ZNF761: variants seen among roughly 807,000 people sequenced by gnomAD.
The protein encoded by ZNF761 is zinc finger protein 761.
Under a neutral mutation model 59.9 loss-of-function variants are expected in ZNF761, and 43 were observed. The ratio of observed to expected loss-of-function variants is 0.72; its 90% CI spans 0.56 to 0.92. The LOEUF is 0.92. Ranked by LOEUF, ZNF761 falls within the 40% of genes least tolerant of loss-of-function variation. The pLI is 0.00. For synonymous variants in ZNF761, 294 were observed against 304.8 expected (o/e 0.96, Z 0.37); for missense variants, 850 against 906.1 (o/e 0.94, Z 0.79).
intron 1 of ZNF761, among the ~76,000 whole-genome samples, chr19:53,433,819 C>T (rs1490779983): frequency 6.6e-6 from 1 of 152,112 alleles, no homozygotes; most frequent in African/African-American, 2.4e-5. Context: ...GGTTTTGAAT[C>T]TACTGAAGGA....
chr19:53,433,807 A>T (rs192802733), intron 1 of ZNF761, among the ~76,000 whole-genome samples: 1 of 152,148 alleles, frequency 6.6e-6, no homozygotes, highest in Non-Finnish European at 1.5e-5. Context: ...TACTCCTATT[A>T]AGGTTTTGAA....
rs761191885 is a variant in ZNF761, at chr19:53,457,015, T to C, written c.*267T>C. The C allele has an allele frequency of 1.5e-6, 1 of 666,528 alleles. No individual in the cohort carries two copies. 41.3% of individuals were successfully genotyped at this position (666,528 alleles called of 1,614,324 possible). A position where few individuals can be genotyped will look rare whatever the true frequency, so the allele number is the denominator to read the frequency against. ...AATGTAAGAGTTTGTGACAAGGCTT[T>C]TGGGCATGATTCGCACCTGGCACAA... On this transcript the variant is annotated 3_prime_UTR_variant, in exon 5 of 5. Coordinates refer to ENST00000684525, the MANE Select transcript of ZNF761 (RefSeq NM_001289951.2).
In ZNF761 at chr19:53,456,063, A is replaced by T. The variant is rs767962173; in HGVS notation, c.1556A>T (p.Glu519Val). 1.9e-6 allele frequency: 3 copies of T among 1,598,090 alleles called. No individual in the cohort carries two copies. The highest frequency in any genetic ancestry group is 4.5e-5 in the East Asian group (2 of 44,348). Reference sequence around the variant, plus strand: ...TGCCATCATAGACTTCATACTGGAGAGAAAGCTTACAAGTGTAATGAGTGC... The same window carrying T: ...TGCCATCATAGACTTCATACTGGAGTGAAAGCTTACAAGTGTAATGAGTGC... Reference protein sequence around the residue: ...LTCHHRLHTGEKAYKCNECGK... With the variant: ...LTCHHRLHTGVKAYKCNECGK... Residue 519 changes from glutamate to valine, a missense_variant, in exon 5 of 5, where the codon GAG becomes GTG. Glu to Val is a moderately radical substitution (Grantham distance 121). Transcript: ENST00000684525.
rs561780044 is a variant in ZNF761, at chr19:53,437,674, A to G, written c.-185+5646A>G. On this transcript the variant is annotated intron_variant, in intron 1 of 4. Transcript: ENST00000684525. ...TCCTTGCCTTTTGGTGGCCTCTGCA[A>G]TGCATTATAGCTACTTTTTCTGGAA... Among the ~76,000 whole-genome samples, 5 of 152,262 alleles carry G rather than the reference A, an allele frequency of 3.3e-5. No homozygotes were observed. In the East Asian group the frequency reaches 5.8e-4, roughly 18 times the overall value.
chr19:53,454,272 A>G (rs535586994), intron 4 of ZNF761, among the ~76,000 whole-genome samples: 4 of 152,294 alleles, frequency 2.6e-5, no homozygotes, highest in Admixed American at 2.6e-4. Context: ...GTCCTTTAGC[A>G]TTTATTTGTA....
In ZNF761 at chr19:53,453,836, A is replaced by G. The variant is rs559207140; in HGVS notation, c.143-814A>G. 5.6e-4 allele frequency among the ~76,000 whole-genome samples: 85 copies of G among 152,326 alleles called. No homozygotes were observed. In the Middle Eastern group the frequency reaches 0.027, roughly 49 times the overall value. Reference sequence around the variant, plus strand: ...TGTTGCAGTGAGCCGAGATCAGGCCATTGAACTCCAGCCAGTTGCAACAGA... The same window carrying G: ...TGTTGCAGTGAGCCGAGATCAGGCCGTTGAACTCCAGCCAGTTGCAACAGA... On this transcript the variant is annotated intron_variant, in intron 4 of 4. Coordinates refer to ENST00000684525, the MANE Select transcript of ZNF761 (RefSeq NM_001289951.2).
intron 1 of ZNF761, among the ~76,000 whole-genome samples, chr19:53,433,152 G>T (rs1255310669): frequency 6.6e-6 from 1 of 152,090 alleles, no homozygotes; most frequent in Non-Finnish European, 1.5e-5. Flanking sequence ...GGAGACAAAA[G>T]GATGTTTATT....
Position 53,456,813 on chromosome 19 carries a change from G to A in ZNF761, c.*65G>A, listed in dbSNP as rs369581327. 3 of 1,544,314 alleles carry A rather than the reference G, an allele frequency of 1.9e-6. No individual in the cohort carries two copies. Among genetic ancestry groups the A allele is most frequent in the Middle Eastern group, 1.7e-4 (1 of 5,852 alleles). On this transcript the variant is annotated 3_prime_UTR_variant, in exon 5 of 5. Coordinates refer to ENST00000684525, the MANE Select transcript of ZNF761 (RefSeq NM_001289951.2). Reference sequence around the variant, plus strand: ...AGGTCATCATAGAATTCATACTGGGGAGAAACCTTAGAAATGTGAAGCATG... The same window carrying A: ...AGGTCATCATAGAATTCATACTGGGAAGAAACCTTAGAAATGTGAAGCATG...
At chr19:53,452,978 A>G (rs1384603058) in intron 4 of ZNF761, among the ~76,000 whole-genome samples, 1 of 152,110 alleles carries the variant, frequency 6.6e-6, no homozygotes, top group African/African-American at 2.4e-5. Flanking sequence ...CTCTGATCTT[A>G]GTTTAAAATT....
rs745499401 is a variant in ZNF761 at position 53,449,484 on chromosome 19, A to G, written c.16-28A>G. On this transcript the variant is annotated intron_variant, in intron 3 of 4. Transcript: ENST00000684525. Reference sequence around the variant, plus strand: ...AAAGATAAGAACTCCTCTCATAACCATTTGGTTAAAATGTGTTTTCATTTC... The same window carrying G: ...AAAGATAAGAACTCCTCTCATAACCGTTTGGTTAAAATGTGTTTTCATTTC... The G allele has an allele frequency of 3.1e-6, 5 of 1,613,886 alleles. No homozygotes were observed. In the African/African-American group the frequency reaches 5.3e-5, roughly 17 times the overall value.
Position 53,456,933 on chromosome 19 carries a change from C to T in ZNF761, c.*185C>T, listed in dbSNP as rs2086277917. 2.6e-6 allele frequency: 2 copies of T among 771,024 alleles called. No individual in the cohort carries two copies. The highest frequency in any genetic ancestry group is 5.2e-5 in the Admixed American group (2 of 38,364). 47.8% of individuals were successfully genotyped at this position (771,024 alleles called of 1,614,324 possible). ...AATGTGAAGAATGTCACAAAGTTTA[C>T]AGTCGCACATCAAACCGTGAAAGAC... On this transcript the variant is annotated 3_prime_UTR_variant, in exon 5 of 5. Coordinates refer to ENST00000684525, the MANE Select transcript of ZNF761 (RefSeq NM_001289951.2).
Position 53,456,639 on chromosome 19 carries a change from T to C in ZNF761, c.2132T>C (p.Leu711Pro). 1 of 1,613,802 alleles carries C rather than the reference T, an allele frequency of 6.2e-7. No homozygotes were observed. The highest frequency in any genetic ancestry group is 8.5e-7 in the Non-Finnish European group (1 of 1,179,926). Residue 711 changes from leucine (L) to proline (P), a missense_variant, in exon 5 of 5, where the codon CTT becomes CCT. Physicochemically the swap from Leu to Pro is moderately conservative, Grantham distance 98 (BLOSUM62 -3). Coordinates refer to ENST00000684525, the MANE Select transcript of ZNF761 (RefSeq NM_001289951.2). ...TCATCCCTTATATGCCACCATAGAC[T>C]TCATACTGGAGAGAAACCTTACAAG... ...QKSSLICHHRLHTGEKPYKCN... is the reference protein window; with the variant it reads ...QKSSLICHHRPHTGEKPYKCN...
In ZNF761 at chr19:53,457,237, C is replaced by CATG. The variant is rs1337493057; in HGVS notation, c.*491_*492insGAT. ...TGGAGAATCCATAAGGAAGAGAGAT[C>CATG]ATACTAGGGTAATAAATGTGGCAGA... On this transcript the variant is annotated 3_prime_UTR_variant, in exon 5 of 5. Coordinates refer to ENST00000684525, the MANE Select transcript of ZNF761 (RefSeq NM_001289951.2). The CATG allele has an allele frequency of 1.3e-5, 6 of 461,942 alleles. No individual in the cohort carries two copies. Among genetic ancestry groups the CATG allele is most frequent in the African/African-American group, 1.2e-4 (6 of 49,774 alleles). 28.6% of individuals were successfully genotyped at this position (461,942 alleles called of 1,614,324 possible).
chr19:53,444,828 G>C (rs1185035455), intron 1 of ZNF761, among the ~76,000 whole-genome samples: 5 of 152,152 alleles, frequency 3.3e-5, no homozygotes, highest in Admixed American at 6.5e-5. Context: ...GCACAGAGCT[G>C]GGTGTTCCAA....
chr19:53,434,963 C>T (rs930012051), intron 1 of ZNF761, among the ~76,000 whole-genome samples: 1 of 152,050 alleles, frequency 6.6e-6, no homozygotes, highest in Non-Finnish European at 1.5e-5. Flanking sequence ...GGTCCGGGTT[C>T]CTTTTTGATA....
intron 1 of ZNF761, among the ~76,000 whole-genome samples, chr19:53,440,733 C>T (rs894510841): frequency 4.6e-5 from 7 of 152,140 alleles, no homozygotes; most frequent in African/African-American, 1.7e-4. Flanking sequence ...GGATGGAGTG[C>T]AGCATGATCT....
intron 4 of ZNF761, 192 bp downstream of exon 4, chr19:53,449,830 G>C: frequency 1.5e-6 from 2 of 1,371,188 alleles, no homozygotes; most frequent in Non-Finnish European, 1.9e-6. Context: ...GCTGGTACAG[G>C]TGCATGCCAC....
Position 53,455,934 on chromosome 19 carries a change from G to A in ZNF761, c.1427G>A (p.Arg476His), listed in dbSNP as rs748200943. The A allele has an allele frequency of 8.4e-5, 136 of 1,613,340 alleles. No individual in the cohort carries two copies. Among genetic ancestry groups the A allele is most frequent in the South Asian group, 3.6e-4 (33 of 91,036 alleles). ...TGTGAAGAATGTGACAAAGCTTTCC[G>A]TTTCAAATCAAACCTTGAAAGACAT... ...YKCEECDKAF[R>H]FKSNLERHRR... Residue 476 changes from arginine to histidine, a missense_variant, in exon 5 of 5, where the codon CGT becomes CAT. Coordinates refer to ENST00000684525, the MANE Select transcript of ZNF761 (RefSeq NM_001289951.2).
intron 1 of ZNF761, among the ~76,000 whole-genome samples, chr19:53,433,230 G>GT (rs1018637005): frequency 1.4e-4 from 21 of 152,104 alleles, no homozygotes; most frequent in African/African-American, 4.6e-4. Context: ...ACGGAGTGGG[G>GT]TTTTTTGCTT....
Sources: allele counts gnomAD v4.1 joint callset (sites outside exome capture counted in the v4.1 genomes callset), GRCh38; gene constraint gnomAD v4.1.1; transcripts MANE v1.5; gene names NCBI Gene and HGNC (gene_info 2026-07-23, HGNC 2026-07-21).